PCDH7: variants seen among roughly 807,000 people sequenced by gnomAD.
The protein encoded by PCDH7 is protocadherin 7, also known as protocadherin-7.
A neutral mutation model predicts 58.9 loss-of-function variants in PCDH7; 17 were observed. That is an observed-to-expected ratio of 0.29 (90% CI 0.20 to 0.43). The LOEUF (loss-of-function observed/expected upper bound fraction) is 0.43, where lower values mean the gene tolerates loss of function less well. Ranked by LOEUF, PCDH7 falls within the 20% of genes least tolerant of loss-of-function variation. PCDH7 has a pLI of 1.00. For missense variants in PCDH7, 1,274 were observed against 1,441.0 expected, an observed-to-expected ratio of 0.88 and a Z score of 1.88; for synonymous variants, 664 against 616.4, an observed-to-expected ratio of 1.08 and a Z score of -1.14.
intron 1 of PCDH7, among the ~76,000 whole-genome samples, chr4:30,882,098 C>T (rs1368767696): frequency 7.0e-6 from 1 of 143,142 alleles, no homozygotes; most frequent in Non-Finnish European, 1.5e-5. Context: ...TGCTTCCTCC[C>T]CCTCCTCCCC....
At chr4:31,077,458 T>A (rs763390742) in intron 3 of PCDH7, among the ~76,000 whole-genome samples, 98 of 151,820 alleles carry the variant, frequency 6.5e-4, no homozygotes, top group Non-Finnish European at 1.2e-3. Flanking sequence ...TATGCAAGTC[T>A]TTTCCAAAAG....
At chr4:30,890,439 G>A (rs372895689) in intron 1 of PCDH7, among the ~76,000 whole-genome samples, 1 of 110,010 alleles carries the variant, frequency 9.1e-6, no homozygotes, top group Non-Finnish European at 2.0e-5. Flanking sequence ...TGTTTTATGT[G>A]TCTGCTAAAA....
At chr4:31,063,419 G>A (rs1172785805) in intron 3 of PCDH7, among the ~76,000 whole-genome samples, 3 of 151,722 alleles carry the variant, frequency 2.0e-5, no homozygotes, top group African/African-American at 7.3e-5. Flanking sequence ...GATTTGCAAG[G>A]GTTGAGCATG....
chr4:30,895,962 C>T (rs73812660), intron 1 of PCDH7, among the ~76,000 whole-genome samples: 2,152 of 152,286 alleles, frequency 0.014, 45 homozygotes, highest in African/African-American at 0.049. Context: ...ATCTAATGCA[C>T]CATACGTGGA....
intron 1 of PCDH7, among the ~76,000 whole-genome samples, chr4:30,751,639 G>T (rs1718536512): frequency 6.6e-6 from 1 of 152,012 alleles, no homozygotes; most frequent in Non-Finnish European, 1.5e-5. Flanking sequence ...ATTTTGCATG[G>T]TCTCTGAAAA....
chr4:30,958,995 G>T (rs1392002585), intron 3 of PCDH7, among the ~76,000 whole-genome samples: 1 of 152,072 alleles, frequency 6.6e-6, no homozygotes, highest in Non-Finnish European at 1.5e-5. Context: ...ATAGTGTGAG[G>T]CTCAAAGCAC....
At chr4:31,115,513 T>C (rs1332966291) in intron 3 of PCDH7, among the ~76,000 whole-genome samples, 1 of 152,176 alleles carries the variant, frequency 6.6e-6, no homozygotes, top group Non-Finnish European at 1.5e-5. Flanking sequence ...TGTATGATCA[T>C]GTAACTTATT....
chr4:30,992,955 T>C (rs1002583400), intron 3 of PCDH7, among the ~76,000 whole-genome samples: 23 of 152,078 alleles, frequency 1.5e-4, no homozygotes, highest in African/African-American at 5.1e-4. Flanking sequence ...CCCACCACCA[T>C]GCCTGGCTAA....
chr4:30,734,070 A>T (rs1181598458), downstream of PCDH7, among the ~76,000 whole-genome samples: 1 of 61,576 alleles, frequency 1.6e-5, no homozygotes, highest in Non-Finnish European at 6.4e-5. Flanking sequence ...AGGTTATCTT[A>T]AAAAAAAACA....
chr4:31,119,232 G>C (rs1369709882), intron 3 of PCDH7, among the ~76,000 whole-genome samples: 1 of 151,992 alleles, frequency 6.6e-6, no homozygotes, highest in Non-Finnish European at 1.5e-5. Context: ...TTTAAATTAT[G>C]TTTTGGTCTT....
At chr4:31,024,513 C>T (rs773484129) in intron 3 of PCDH7, among the ~76,000 whole-genome samples, 2 of 152,076 alleles carry the variant, frequency 1.3e-5, no homozygotes, top group Admixed American at 1.3e-4. Context: ...TAGATTATGA[C>T]ATAAATAAAT....
chr4:31,025,414 T>C (rs964111725), intron 3 of PCDH7, among the ~76,000 whole-genome samples: 4 of 152,106 alleles, frequency 2.6e-5, no homozygotes, highest in Non-Finnish European at 4.4e-5. Context: ...TCTGGCAGAG[T>C]GGAAGTATTT....
At chr4:31,064,408 G>T (rs1757921167) in intron 3 of PCDH7, among the ~76,000 whole-genome samples, 1 of 151,966 alleles carries the variant, frequency 6.6e-6, no homozygotes, top group South Asian at 2.1e-4. Flanking sequence ...GTCTTTGTAT[G>T]TGGCAACAAA....
chr4:31,146,631 T>C (rs1188187501), downstream of PCDH7: 1 of 152,158 alleles, frequency 6.6e-6, no homozygotes, highest in Admixed American at 6.6e-5. Flanking sequence ...TCGTTTATTA[T>C]GAGTCACTAT....
chr4:30,756,337 C>T lies in PCDH7; in HGVS notation c.70+31741C>T, dbSNP rs534320959. Among the ~76,000 whole-genome samples, 60 of 152,152 alleles carry T rather than the reference C, an allele frequency of 3.9e-4. 2 individuals are homozygous for T. The South Asian group carries it at 9.7e-3, about 25-fold the overall frequency. ...GTCCTTACCTCCCAACAGCACCACACGGGGGATCAAATTTCAACATGAGAT... is the reference window on the plus strand; with the variant it reads ...GTCCTTACCTCCCAACAGCACCACATGGGGGATCAAATTTCAACATGAGAT... On this transcript the variant is annotated intron_variant, in intron 1 of 3. Coordinates refer to the PCDH7 transcript ENST00000509759.
At chr4:31,127,388 A>G (rs1718434848) in intron 3 of PCDH7, among the ~76,000 whole-genome samples, 1 of 152,210 alleles carries the variant, frequency 6.6e-6, no homozygotes, top group Non-Finnish European at 1.5e-5. Flanking sequence ...TGACATTGTG[A>G]CAGATTAATA....
exon 1 of PCDH7, chr4:30,724,438 C>G: frequency 6.2e-7 from 1 of 1,614,102 alleles, no homozygotes; most frequent in Non-Finnish European, 8.5e-7. Flanking sequence ...GCCTACTGTT[C>G]AGCTTCATCC....
downstream of PCDH7, among the ~76,000 whole-genome samples, chr4:30,736,833 G>C (rs1194160340): frequency 2.0e-5 from 3 of 152,130 alleles, no homozygotes; most frequent in African/African-American, 7.2e-5. Context: ...ACCGCGCCCG[G>C]CCACAAATGT....
chr4:30,992,594 G>A (rs2109125697), intron 3 of PCDH7, among the ~76,000 whole-genome samples: 1 of 152,214 alleles, frequency 6.6e-6, no homozygotes, highest in Non-Finnish European at 1.5e-5. Context: ...ATGTAGCCAT[G>A]CTTAGGGAAT....
Sources: gnomAD v4.1 joint callset for allele counts (sites outside exome capture counted in the v4.1 genomes callset) on GRCh38, gnomAD v4.1.1 for gene constraint, MANE v1.5 for transcripts, NCBI Gene and HGNC (gene_info 2026-07-23, HGNC 2026-07-21) for gene names.